RCC1: variants seen among roughly 807,000 people sequenced by gnomAD.
RCC1 encodes the protein regulator of chromosome condensation.
A neutral mutation model predicts 44.4 loss-of-function variants in RCC1; 11 were observed. The ratio of observed to expected loss-of-function variants is 0.25; its 90% CI spans 0.16 to 0.41. RCC1 has a LOEUF of 0.41. Among genes scored for constraint, RCC1 ranks in the 10% least tolerant of loss-of-function variants. The probability of loss-of-function intolerance (pLI) is 1.00; values close to 1 mark genes in which losing one functional copy is unlikely to be tolerated. For missense variants in RCC1, 386 were observed against 547.1 expected (o/e 0.71, Z 2.94); for synonymous variants, 213 against 216.5 (o/e 0.98, Z 0.14).
intron 5 of RCC1, among the ~76,000 whole-genome samples, chr1:28,531,566 T>G (rs568985590): frequency 6.6e-6 from 1 of 152,292 alleles, no homozygotes; most frequent in East Asian, 1.9e-4. Context: ...TGTCTCCTTG[T>G]TTCCCTTTCT....
intron 5 of RCC1, chr1:28,530,760 G>A (rs558283947): frequency 3.3e-6 from 2 of 602,508 alleles, no homozygotes; most frequent in East Asian, 3.0e-5. Context: ...AGCCCCGGGC[G>A]CGCACCTCCC....
intron 1 of RCC1, chr1:28,507,086 G>T (rs946209519): frequency 2.0e-5 from 4 of 195,678 alleles, no homozygotes; most frequent in African/African-American, 9.4e-5. Context: ...CGATTTGGGG[G>T]TAATTAACAA....
intron 4 of RCC1, chr1:28,518,512 A>AGCG (rs1557870951): frequency 2.0e-5 from 3 of 149,136 alleles, no homozygotes; most frequent in East Asian, 2.0e-4. Flanking sequence ...GCGCTCCAGC[A>AGCG]GCGGCTGGGC....
chr1:28,511,696 C>T (rs929799403), intron 3 of RCC1, among the ~76,000 whole-genome samples: 25 of 150,952 alleles, frequency 1.7e-4, no homozygotes, highest in African/African-American at 6.1e-4. Flanking sequence ...TAATCTCACT[C>T]TGTCTCCAGG....
chr1:28,532,694 C>G (rs1350895245), intron 7 of RCC1: 1 of 488,656 alleles, frequency 2.0e-6, no homozygotes, highest in South Asian at 1.5e-5. Flanking sequence ...TCCACACTTC[C>G]CAGAGGCTTG....
At position 28,526,757 on chromosome 1, in the gene RCC1, G is replaced by A. The variant is rs564341009; in HGVS notation, c.-9-3101G>A. On this transcript the variant is annotated intron_variant, in intron 4 of 12. Coordinates refer to ENST00000683442, the MANE Select transcript of RCC1 (RefSeq NM_001381865.2). ...CTAAAAATACAAAAATTAGCCAGGC[G>A]TCGTGGCAGGCGCCTGTAATTCCAG... 349 of 540,088 alleles carry A rather than the reference G, an allele frequency of 6.5e-4. 1 individual carries two copies. The highest frequency in any genetic ancestry group is 5.7e-3 in the African/African-American group (296 of 52,368). The allele number at this position is 540,088 out of a possible 1,614,324, so 33.5% of individuals were successfully genotyped here. A position where few individuals can be genotyped will look rare whatever the true frequency, so the allele number is the denominator to read the frequency against.
chr1:28,527,151 G>A (rs1663718788), intron 4 of RCC1: 2 of 1,269,708 alleles, frequency 1.6e-6, no homozygotes, highest in Non-Finnish European at 2.3e-6. Context: ...GGCTGCAGTG[G>A]CAGAAATGCC....
chr1:28,513,869 G>A (rs1662704484), intron 3 of RCC1, among the ~76,000 whole-genome samples: 1 of 152,142 alleles, frequency 6.6e-6, no homozygotes, highest in African/African-American at 2.4e-5. Context: ...ACAGGCATGA[G>A]TCACCATGCC....
chr1:28,531,781 G>A (rs1448669530), intron 5 of RCC1, 22 bp from the exon 6 acceptor site: 1 of 1,510,324 alleles, frequency 6.6e-7, no homozygotes, highest in South Asian at 1.4e-5. Context: ...TACACTCAGG[G>A]TCTATCTTCT....
At chr1:28,521,618 CA>C (rs998449752) in intron 4 of RCC1, among the ~76,000 whole-genome samples, 1 of 152,176 alleles carries the variant, frequency 6.6e-6, no homozygotes, top group African/African-American at 2.4e-5. Context: ...CTCTGGGACT[CA>C]AAGAGCACTC....
Position 28,536,267 on chromosome 1 carries a change from C to G in RCC1, c.823C>G (p.Pro275Ala), listed in dbSNP as rs1400400575. ...GGCTCCGGCCTTTCCCCCAGGAACTCCGGGCACAGAATCTTGCTTCATACC... is the reference window on the plus strand; with the variant it reads ...GGCTCCGGCCTTTCCCCCAGGAACTGCGGGCACAGAATCTTGCTTCATACC... ...GLSNYHQLGT[P>A]GTESCFIPQN... Residue 275 changes from proline to alanine, a missense_variant, in exon 11 of 13, where the codon CCG (proline) becomes GCG (alanine). By Grantham distance (27) the Pro-to-Ala change is conservative. Coordinates refer to ENST00000683442, the MANE Select transcript of RCC1 (RefSeq NM_001381865.2). This position sits in a 1 kb window ranked among gnomAD's most constrained non-coding sequence, Gnocchi z 4.9. The G allele has an allele frequency of 1.9e-6, 3 of 1,613,990 alleles. No individual in the cohort carries two copies. The highest frequency in any genetic ancestry group is 1.3e-5 in the African/African-American group (1 of 75,050).
chr1:28,506,423 G>C, intron 1 of RCC1: 1 of 344,612 alleles, frequency 2.9e-6, no homozygotes, highest in Non-Finnish European at 5.7e-6. Flanking sequence ...GATTTCCGGT[G>C]ATCCACCACC....
At chr1:28,530,699 C>T (rs1664091699) in intron 5 of RCC1, 17 of 1,184,648 alleles carry the variant, frequency 1.4e-5, no homozygotes, top group Non-Finnish European at 2.0e-5. Context: ...GGGCTGGGCG[C>T]CATTGGCTGC....
intron 4 of RCC1, chr1:28,527,271 T>C: frequency 3.1e-6 from 2 of 645,588 alleles, no homozygotes; most frequent in Non-Finnish European, 5.6e-6. Context: ...ACAGTGTCTG[T>C]CTCTTTCGCC....
rs1172012417 is a variant in RCC1 at position 28,518,374 on chromosome 1, G to A, written c.-10+1507G>A. The A allele has an allele frequency of 2.6e-5, 4 of 152,016 alleles. No homozygotes were observed. In the South Asian group the frequency reaches 6.2e-4, roughly 24 times the overall value. 9.4% of individuals were successfully genotyped at this position (152,016 alleles called of 1,614,324 possible). A position where few individuals can be genotyped will look rare whatever the true frequency, so the allele number is the denominator to read the frequency against. On this transcript the variant is annotated intron_variant, in intron 4 of 12. Coordinates refer to ENST00000683442, the MANE Select transcript of RCC1 (RefSeq NM_001381865.2). The stretch of plus-strand genomic sequence containing the variant: ...GCGGTAAGCGGAGCGGCCACAGCCG[G>A]AGCACGGGCCGGTCCACGCGGGCCT...
chr1:28,508,114 A>G lies in RCC1; in HGVS notation c.-261-14A>G, dbSNP rs760623607. The G allele has an allele frequency of 1.4e-5, 6 of 443,224 alleles. No individual in the cohort carries two copies. Among genetic ancestry groups the G allele is most frequent in the Non-Finnish European group, 2.3e-5 (5 of 217,882 alleles). 27.5% of individuals were successfully genotyped at this position (443,224 alleles called of 1,614,324 possible). A position where few individuals can be genotyped will look rare whatever the true frequency, so the allele number is the denominator to read the frequency against. On this transcript the variant is annotated splice_polypyrimidine_tract_variant and intron_variant, in intron 1 of 12. Transcript: ENST00000683442. ...GGTTTTGCTGTACTAATAGATTAATATCTTGTTTTGCAGGATTTGTTAAGG... is the reference window on the plus strand; with the variant it reads ...GGTTTTGCTGTACTAATAGATTAATGTCTTGTTTTGCAGGATTTGTTAAGG...
At chr1:28,506,248 C>G (rs989443353) in intron 1 of RCC1, 164 bp downstream of exon 1, 2 of 444,092 alleles carry the variant, frequency 4.5e-6, no homozygotes, top group African/African-American at 4.1e-5. Flanking sequence ...TCAGGCTGGA[C>G]TGCAGTGCTC....
chr1:28,537,720 A>G, intron 12 of RCC1, 112 bp from the exon 13 acceptor site: 1 of 1,085,172 alleles, frequency 9.2e-7, no homozygotes, highest in Non-Finnish European at 1.3e-6. Context: ...GTACCTTGCC[A>G]AGCTGCTATT....
intron 4 of RCC1, 60 bp from the exon 5 acceptor site, chr1:28,529,798 T>C: frequency 7.7e-7 from 1 of 1,297,310 alleles, no homozygotes; most frequent in Non-Finnish European, 1.1e-6. Flanking sequence ...ATAAATATTG[T>C]CTGATTGGCC....
Sources: gnomAD v4.1 joint callset for allele counts (sites outside exome capture counted in the v4.1 genomes callset) on GRCh38, gnomAD v4.1.1 for gene constraint, Gnocchi (gnomAD v3.1) non-coding constraint, MANE v1.5 for transcripts, NCBI Gene and HGNC (gene_info 2026-07-23, HGNC 2026-07-21) for gene names.